Variants in NCAM2 observed in about 807,000 individuals in gnomAD.
NCAM2 encodes the protein neural cell adhesion molecule 2.
A neutral mutation model predicts 98.1 loss-of-function variants in NCAM2; 30 were observed. The observed-to-expected ratio is 0.31, with a 90% CI of 0.23 to 0.41. The LOEUF is 0.41. Ranked by LOEUF, NCAM2 falls within the 10% of genes least tolerant of loss-of-function variation. The pLI is 1.00. For missense variants in NCAM2, 867 were observed against 1,005.8 expected (o/e 0.86, Z 1.87); for synonymous variants, 368 against 342.4 (o/e 1.07, Z -0.83).
chr21:21,290,747 G>C (rs1239551609), intron 4 of NCAM2, among the ~76,000 whole-genome samples: 2 of 151,772 alleles, frequency 1.3e-5, no homozygotes, highest in Admixed American at 6.6e-5. Context: ...TCCGTTTAAT[G>C]AGTATCTATG....
chr21:21,136,624 T>G lies in NCAM2; in HGVS notation c.55+138006T>G, dbSNP rs112540861. 6.6e-3 allele frequency among the ~76,000 whole-genome samples: 359 copies of G among 54,080 alleles called. 2 individuals carry two copies. The highest frequency in any genetic ancestry group is 0.016 in the African/African-American group (142 of 9,156). The allele number at this position is 54,080 out of a possible 152,430, so 35.5% of individuals were successfully genotyped here. On this transcript the variant is annotated intron_variant, in intron 1 of 17. Transcript: ENST00000400546. The stretch of plus-strand genomic sequence containing the variant: ...TTATAGGTGCAGGCCACCACGCCTG[T>G]TTTTTGTTTTTTTTTTTATTTTTAG...
chr21:21,126,395 T>A (rs987314000), intron 1 of NCAM2, among the ~76,000 whole-genome samples: 1 of 151,852 alleles, frequency 6.6e-6, no homozygotes, highest in African/African-American at 2.4e-5. Flanking sequence ...AACATACACA[T>A]CCATACATAT....
At chr21:21,034,617 C>T (rs904387347) in intron 1 of NCAM2, among the ~76,000 whole-genome samples, 1 of 152,056 alleles carries the variant, frequency 6.6e-6, no homozygotes, top group Non-Finnish European at 1.5e-5. Context: ...TTCAACTACT[C>T]ATTTGGAAAG....
intron 10 of NCAM2, among the ~76,000 whole-genome samples, chr21:21,416,945 T>C (rs1193454089): frequency 1.3e-5 from 2 of 151,786 alleles, no homozygotes; most frequent in Non-Finnish European, 2.9e-5. Flanking sequence ...TTTCTTTATT[T>C]ATTAAGCATA....
At chr21:21,503,087 A>C (rs148746920) in intron 15 of NCAM2, among the ~76,000 whole-genome samples, 2 of 152,048 alleles carry the variant, frequency 1.3e-5, no homozygotes, top group East Asian at 3.9e-4. Flanking sequence ...TTTATACAAC[A>C]GAAACATGAA....
chr21:21,284,132 C>A, intron 2 of NCAM2, 62 bp from the exon 3 acceptor site: 1 of 1,280,220 alleles, frequency 7.8e-7, no homozygotes, highest in Non-Finnish European at 1.1e-6. Context: ...ATAGTAAATG[C>A]CAATGTTCAA....
intron 11 of NCAM2, among the ~76,000 whole-genome samples, chr21:21,427,881 A>G (rs1274947565): frequency 2.0e-5 from 3 of 152,228 alleles, no homozygotes; most frequent in Admixed American, 1.3e-4. Flanking sequence ...AAAAATTACA[A>G]TGACTGACAT....
At chr21:21,513,045 C>T (rs1988491908) in intron 16 of NCAM2, among the ~76,000 whole-genome samples, 1 of 151,936 alleles carries the variant, frequency 6.6e-6, no homozygotes, top group African/African-American at 2.4e-5. Flanking sequence ...TATTTGACTC[C>T]TTCCTTTCCA....
intron 14 of NCAM2, among the ~76,000 whole-genome samples, chr21:21,473,992 G>A (rs1984823219): frequency 6.0e-5 from 9 of 149,874 alleles, no homozygotes; most frequent in Admixed American, 6.0e-4. Flanking sequence ...ACATTTAATT[G>A]GCTTATTAAT....
intron 9 of NCAM2, among the ~76,000 whole-genome samples, chr21:21,391,328 T>G (rs923004624): frequency 6.6e-6 from 1 of 152,196 alleles, no homozygotes; most frequent in East Asian, 1.9e-4. Flanking sequence ...AATCTACTTA[T>G]GTAGAATAGC....
intron 12 of NCAM2, among the ~76,000 whole-genome samples, chr21:21,451,654 T>C (rs933656525): frequency 1.3e-4 from 20 of 152,118 alleles, no homozygotes; most frequent in Non-Finnish European, 1.5e-5. Context: ...TTCTACTGGG[T>C]TATCTAACAT....
intron 1 of NCAM2, among the ~76,000 whole-genome samples, chr21:21,002,148 C>A (rs894415225): frequency 5.9e-5 from 9 of 152,114 alleles, no homozygotes; most frequent in African/African-American, 2.2e-4. Context: ...AAATTAATAT[C>A]TTTATTGTCA....
At chr21:21,068,126 C>CT (rs796900500) in intron 1 of NCAM2, among the ~76,000 whole-genome samples, 3,148 of 127,546 alleles carry the variant, frequency 0.025, 120 homozygotes, top group African/African-American at 0.084. Flanking sequence ...AAAATAATGA[C>CT]TTTTTTTTCT....
intron 1 of NCAM2, among the ~76,000 whole-genome samples, chr21:21,261,366 A>G (rs1407958348): frequency 1.3e-5 from 2 of 152,164 alleles, no homozygotes; most frequent in African/African-American, 4.8e-5. Context: ...TCTACAAAAC[A>G]TCTACCCAAC....
At chr21:21,069,123 A>G (rs185611447) in intron 1 of NCAM2, among the ~76,000 whole-genome samples, 2 of 152,330 alleles carry the variant, frequency 1.3e-5, no homozygotes, top group Admixed American at 1.3e-4. Flanking sequence ...TCAGAAACTC[A>G]TGGAAACTCT....
At chr21:21,002,476 T>C (rs996922960) in intron 1 of NCAM2, among the ~76,000 whole-genome samples, 4 of 152,160 alleles carry the variant, frequency 2.6e-5, no homozygotes, top group Non-Finnish European at 4.4e-5. Flanking sequence ...GCTACAGAGA[T>C]TGAGGCTAGT....
chr21:21,414,217 G>A (rs1176227639), intron 10 of NCAM2, among the ~76,000 whole-genome samples: 2 of 151,954 alleles, frequency 1.3e-5, no homozygotes, highest in African/African-American at 2.4e-5. Flanking sequence ...TATTTCCACC[G>A]CATCTGCAGT....
chr21:21,200,313 C>A (rs79812419), intron 1 of NCAM2, among the ~76,000 whole-genome samples: 28 of 151,190 alleles, frequency 1.9e-4, no homozygotes, highest in Non-Finnish European at 3.2e-4. Context: ...TACCAGGAAA[C>A]GCTGCGTGAG....
rs1297863400 is a variant in NCAM2, at chr21:21,049,074, A to G, written c.55+50456A>G. 3.6e-5 allele frequency among the ~76,000 whole-genome samples: 5 copies of G among 137,080 alleles called. 1 individual carries two copies. The highest frequency in any genetic ancestry group is 1.5e-4 in the Admixed American group (2 of 12,958). The allele number at this position is 137,080 out of a possible 152,430, so 89.9% of individuals were successfully genotyped here. ...TCGCCCAGGCTGGACTGCGGACTGC[A>G]GTGGCGCAATCTCGGCTCACTGCAA... On this transcript the variant is annotated intron_variant, in intron 1 of 17. Coordinates refer to ENST00000400546, the MANE Select transcript of NCAM2 (RefSeq NM_004540.5).
Sources: gnomAD v4.1 joint callset for allele counts (sites outside exome capture counted in the v4.1 genomes callset) on GRCh38, gnomAD v4.1.1 for gene constraint, MANE v1.5 for transcripts, NCBI Gene and HGNC (gene_info 2026-07-23, HGNC 2026-07-21) for gene names.